Variants in C16orf87 observed in about 807,000 individuals in gnomAD.
The protein encoded by C16orf87 is HDAC and MIER1 interacting protein 1, also known as UPF0547 protein C16orf87.
In C16orf87, 13 loss-of-function variants were observed where a neutral mutation model predicts 21.0. The observed-to-expected ratio is 0.62, with a 90% CI of 0.40 to 0.98. The LOEUF (loss-of-function observed/expected upper bound fraction) is 0.98, where lower values mean the gene tolerates loss of function less well. Among genes scored for constraint, C16orf87 ranks in the 50% least tolerant of loss-of-function variants. C16orf87 has a pLI of 0.00. For synonymous variants in C16orf87, 49 were observed against 60.2 expected (o/e 0.81, Z 0.86); for missense variants, 113 against 180.4 (o/e 0.63, Z 2.14).
At chr16:46,828,168 T>C (rs372778466) in intron 1 of C16orf87, among the ~76,000 whole-genome samples, 1 of 152,032 alleles carries the variant, frequency 6.6e-6, no homozygotes, top group African/African-American at 2.4e-5. Context: ...GACCTCGTGA[T>C]CCACCTGCCT....
At chr16:46,831,025 A>T in intron 1 of C16orf87, 59 bp downstream of exon 1, 2 of 1,420,668 alleles carry the variant, frequency 1.4e-6, no homozygotes, top group Non-Finnish European at 1.9e-6. Context: ...GCCCCCCTCC[A>T]CAGACAACGG....
chr16:46,810,571 TGGTAAAGG>T (rs976154260), intron 2 of C16orf87, among the ~76,000 whole-genome samples: 1 of 151,994 alleles, frequency 6.6e-6, no homozygotes, highest in African/African-American at 2.4e-5. Context: ...AAAATCTCAG[TGGTAAAGG>T]GGCAAAACAA....
rs1245440944 is a variant in C16orf87, at chr16:46,797,137, A to G, written c.*5815T>C. The G allele has an allele frequency of 1.3e-5, 2 of 152,236 alleles. No individual in the cohort carries two copies. Among genetic ancestry groups the G allele is most frequent in the Non-Finnish European group, 2.9e-5 (2 of 68,042 alleles). 9.4% of individuals were successfully genotyped at this position (152,236 alleles called of 1,614,324 possible). A position where few individuals can be genotyped will look rare whatever the true frequency, so the allele number is the denominator to read the frequency against. On this transcript the variant is annotated 3_prime_UTR_variant, in exon 4 of 4. Coordinates refer to ENST00000285697, the MANE Select transcript of C16orf87 (RefSeq NM_001001436.4). ...GACATTCTCAGATGAAGAAAAAATA[A>G]GAGAATTAAATGTCAACAGACCTGC... is the stretch of plus-strand genomic sequence containing the variant.
At position 46,831,088 on chromosome 16, in the gene C16orf87, T is replaced by C; in HGVS notation, c.62A>G (p.Gln21Arg). 1 of 1,568,718 alleles carries C rather than the reference T, an allele frequency of 6.4e-7. No individual in the cohort carries two copies. The highest frequency in any genetic ancestry group is 8.7e-7 in the Non-Finnish European group (1 of 1,156,036). The change falls in exon 1 of 4, where the codon CAA becomes CGA. Residue 21 changes from glutamine to arginine, a missense_variant. Gln to Arg is a conservative substitution (Grantham distance 43, BLOSUM62 1). Transcript: ENST00000285697. ...CGCCCGGCCCCCGGCACCCACCTGT[T>C]GGTCGCACTCGGGGCATGATTTGGT... The part of the protein sequence containing the change: ...MATKSCPECD[Q>R]QVPVACKSCP...
At chr16:46,815,755 G>A (rs1003417515) in intron 2 of C16orf87, among the ~76,000 whole-genome samples, 2 of 152,166 alleles carry the variant, frequency 1.3e-5, no homozygotes, top group Admixed American at 6.5e-5. Flanking sequence ...AAAATAAAGT[G>A]TTGGTGAGGA....
chr16:46,815,697 C>T (rs1215670278), intron 2 of C16orf87, among the ~76,000 whole-genome samples: 1 of 152,220 alleles, frequency 6.6e-6, no homozygotes, highest in Non-Finnish European at 1.5e-5. Flanking sequence ...CAAGATACCA[C>T]TTCATACTCT....
At chr16:46,830,161 A>T (rs1959784027) in intron 1 of C16orf87, among the ~76,000 whole-genome samples, 1 of 152,102 alleles carries the variant, frequency 6.6e-6, no homozygotes, top group African/African-American at 2.4e-5. Context: ...GATCACTGAA[A>T]TGAGATGTTT....
intron 1 of C16orf87, among the ~76,000 whole-genome samples, chr16:46,825,105 T>C (rs1021635707): frequency 1.3e-5 from 2 of 152,072 alleles, no homozygotes; most frequent in East Asian, 3.8e-4. Flanking sequence ...AGGGGAAGTA[T>C]GTGGAAAAAA....
Position 46,825,468 on chromosome 16 carries a change from G to A in C16orf87, c.67-986C>T, listed in dbSNP as rs891807673. On this transcript the variant is annotated intron_variant, in intron 1 of 3. Coordinates refer to ENST00000285697, the MANE Select transcript of C16orf87 (RefSeq NM_001001436.4). Reference sequence around the variant, plus strand: ...AAATTGTTGTGGGTAGATAGTAGGTGTACATGTTTATGGGGTACACTAATA... The same window carrying A: ...AAATTGTTGTGGGTAGATAGTAGGTATACATGTTTATGGGGTACACTAATA... 3.3e-5 allele frequency among the ~76,000 whole-genome samples: 5 copies of A among 152,220 alleles called. No homozygotes were observed. In the East Asian group the frequency reaches 7.7e-4, roughly 24 times the overall value.
intron 1 of C16orf87, among the ~76,000 whole-genome samples, chr16:46,830,307 A>AGAGGGT (rs758468161): frequency 3.7e-5 from 4 of 109,142 alleles, no homozygotes; most frequent in African/African-American, 1.4e-4. Context: ...AGAGAGAGAG[A>AGAGGGT]GACACACAGA....
chr16:46,797,344 A>AT lies in C16orf87; in HGVS notation c.*5607dup, dbSNP rs922280751. The AT allele has an allele frequency of 1.3e-5, 2 of 152,006 alleles. No individual in the cohort carries two copies. Among genetic ancestry groups the AT allele is most frequent in the Non-Finnish European group, 2.9e-5 (2 of 67,994 alleles). 9.4% of individuals were successfully genotyped at this position (152,006 alleles called of 1,614,324 possible). A position where few individuals can be genotyped will look rare whatever the true frequency, so the allele number is the denominator to read the frequency against. Reference sequence around the variant, plus strand: ...AAAAATACATTATCTGATGAGTCTTATTTTTTATTTTTATTTTTTGAGACA... The same window carrying AT: ...AAAAATACATTATCTGATGAGTCTTATTTTTTTATTTTTATTTTTTGAGACA... On this transcript the variant is annotated 3_prime_UTR_variant, in exon 4 of 4. Coordinates refer to ENST00000285697, the MANE Select transcript of C16orf87 (RefSeq NM_001001436.4).
rs1288844194 is a variant in C16orf87, at chr16:46,801,907, GA to G, written c.*1044del. 2 of 152,126 alleles carry G rather than the reference GA, an allele frequency of 1.3e-5. No homozygotes were observed. Among genetic ancestry groups the G allele is most frequent in the African/African-American group, 4.8e-5 (2 of 41,420 alleles). The allele number at this position is 152,126 out of a possible 1,614,324, so 9.4% of individuals were successfully genotyped here. On this transcript the variant is annotated 3_prime_UTR_variant, in exon 4 of 4. Coordinates refer to ENST00000285697, the MANE Select transcript of C16orf87 (RefSeq NM_001001436.4). ...GTTTGAATATGTTAATCATTAAATTGATATGCCAAAATGCAAAAGCATTTAA... is the reference window on the plus strand; with the variant it reads ...GTTTGAATATGTTAATCATTAAATTGTATGCCAAAATGCAAAAGCATTTAA...
At position 46,809,653 on chromosome 16, in the gene C16orf87, C is replaced by T. The variant is rs763124975; in HGVS notation, c.296G>A (p.Gly99Glu). The T allele has an allele frequency of 6.2e-6, 10 of 1,612,788 alleles. No homozygotes were observed. Among genetic ancestry groups the T allele is most frequent in the Non-Finnish European group, 8.5e-6 (10 of 1,179,244 alleles). Reference sequence around the variant, plus strand: ...AGATGCACTTTTAGGTCTTCCTCTTCCTCGTCTGATATGATCTGAATGGCT... The same window carrying T: ...AGATGCACTTTTAGGTCTTCCTCTTTCTCGTCTGATATGATCTGAATGGCT... ...SNSHSDHIRR[G>E]RGRPKSASAK... The change falls in exon 3 of 4, where the codon GGA (glycine) becomes GAA (glutamate). Residue 99 changes from glycine (G) to glutamate (E), a missense_variant. Transcript: ENST00000285697.
chr16:46,819,428 G>A (rs1959319285), intron 2 of C16orf87, among the ~76,000 whole-genome samples: 1 of 151,796 alleles, frequency 6.6e-6, no homozygotes, highest in Non-Finnish European at 1.5e-5. Flanking sequence ...TCCTGCCTCA[G>A]CCTCCCGAGT....
At chr16:46,827,739 C>T (rs1013379800) in intron 1 of C16orf87, among the ~76,000 whole-genome samples, 3 of 151,674 alleles carry the variant, frequency 2.0e-5, no homozygotes, top group Non-Finnish European at 2.9e-5. Flanking sequence ...CCTGTCACCA[C>T]GCCCGGATAA....
intron 2 of C16orf87, among the ~76,000 whole-genome samples, chr16:46,816,133 A>G (rs1200211818): frequency 6.6e-6 from 1 of 152,246 alleles, no homozygotes; most frequent in Non-Finnish European, 1.5e-5. Flanking sequence ...AGCCAGACAT[A>G]AAAGTACAAA....
Position 46,802,498 on chromosome 16 carries a change from A to G in C16orf87, c.*454T>C, listed in dbSNP as rs957694807. ...TAATAAAAGTAAATGAACTGTATAT[A>G]TGCAATCTGTTAGCACTGAAAATCT... On this transcript the variant is annotated 3_prime_UTR_variant, in exon 4 of 4. Transcript: ENST00000285697. The G allele has an allele frequency of 6.5e-6, 1 of 152,964 alleles. No individual in the cohort carries two copies. Among genetic ancestry groups the G allele is most frequent in the Non-Finnish European group, 1.5e-5 (1 of 68,298 alleles). The allele number at this position is 152,964 out of a possible 1,614,324, so 9.5% of individuals were successfully genotyped here. A position where few individuals can be genotyped will look rare whatever the true frequency, so the allele number is the denominator to read the frequency against.
At chr16:46,810,928 T>C (rs1175221225) in intron 2 of C16orf87, among the ~76,000 whole-genome samples, 1 of 152,078 alleles carries the variant, frequency 6.6e-6, no homozygotes, top group African/African-American at 2.4e-5. Context: ...TATGAGTACA[T>C]TAACATTAAA....
intron 1 of C16orf87, among the ~76,000 whole-genome samples, chr16:46,830,368 G>T (rs571910173): frequency 1.3e-4 from 20 of 151,512 alleles, no homozygotes; most frequent in African/African-American, 4.4e-4. Context: ...GGCCAAATTT[G>T]TAACAGTGGA....
Sources: gnomAD v4.1 joint callset for allele counts (sites outside exome capture counted in the v4.1 genomes callset) on GRCh38, gnomAD v4.1.1 for gene constraint, MANE v1.5 for transcripts, NCBI Gene and HGNC (gene_info 2026-07-23, HGNC 2026-07-21) for gene names.